Variants in BACH2 observed in about 807,000 individuals in gnomAD.
BACH2 encodes the protein transcription regulator protein BACH2.
In BACH2, 5 loss-of-function variants were observed where a neutral mutation model predicts 61.8. The ratio of observed to expected loss-of-function variants is 0.08; its 90% CI spans 0.04 to 0.17. BACH2 has a LOEUF of 0.17. Among genes scored for constraint, BACH2 ranks in the 10% least tolerant of loss-of-function variants. The pLI, the probability that BACH2 is intolerant of heterozygous loss-of-function variation, is 1.00. For missense variants in BACH2, 824 were observed against 1,091.1 expected (o/e 0.76, Z 3.45); for synonymous variants, 446 against 440.1 (o/e 1.01, Z -0.17).
intron 8 of BACH2, among the ~76,000 whole-genome samples, chr6:89,934,883 G>C (rs292252): frequency 0.42 from 64,240 of 151,946 alleles, 14,027 homozygotes; most frequent in Middle Eastern, 0.55. Flanking sequence ...TCCGACACGG[G>C]AGCTGCATGT....
intron 5 of BACH2, among the ~76,000 whole-genome samples, chr6:90,062,559 T>C (rs1183103133): frequency 6.6e-6 from 1 of 152,170 alleles, no homozygotes; most frequent in African/African-American, 2.4e-5. Context: ...AAATAGCAAT[T>C]TCCTCTTGTT....
chr6:90,164,038 A>G (rs1390344205), intron 4 of BACH2, among the ~76,000 whole-genome samples: 2 of 152,236 alleles, frequency 1.3e-5, no homozygotes, highest in Non-Finnish European at 2.9e-5. Flanking sequence ...TTCAAAAGCT[A>G]GCAGAAGGCA....
chr6:90,010,933 T>A (rs1032983761), intron 5 of BACH2, among the ~76,000 whole-genome samples: 3 of 152,232 alleles, frequency 2.0e-5, no homozygotes, highest in Admixed American at 2.0e-4. Flanking sequence ...AATTGGGTTG[T>A]TTTCTTATTT....
At chr6:90,014,138 A>G (rs139119039) in intron 5 of BACH2, among the ~76,000 whole-genome samples, 1 of 151,964 alleles carries the variant, frequency 6.6e-6, no homozygotes, top group Non-Finnish European at 1.5e-5. Context: ...TTTTGTTAAT[A>G]ATTTTTCATC....
At chr6:90,204,951 C>T (rs913370190) in intron 4 of BACH2, among the ~76,000 whole-genome samples, 1 of 152,166 alleles carries the variant, frequency 6.6e-6, no homozygotes, top group African/African-American at 2.4e-5. Context: ...AACAAAAACT[C>T]CTCAAAAACA....
intron 6 of BACH2, among the ~76,000 whole-genome samples, chr6:89,972,070 C>G (rs1775391152): frequency 6.6e-6 from 1 of 152,102 alleles, no homozygotes; most frequent in African/African-American, 2.4e-5. Flanking sequence ...TGTGCAAAGA[C>G]CTAAGAGAGA....
intron 4 of BACH2, among the ~76,000 whole-genome samples, chr6:90,171,304 T>G (rs1203428093): frequency 6.6e-6 from 1 of 151,662 alleles, no homozygotes; most frequent in Non-Finnish European, 1.5e-5. Flanking sequence ...TCTCAGCTAG[T>G]TGGGAGGCCA....
At chr6:90,046,273 T>C (rs1431346569) in intron 5 of BACH2, among the ~76,000 whole-genome samples, 1 of 152,228 alleles carries the variant, frequency 6.6e-6, no homozygotes, top group Non-Finnish European at 1.5e-5. Flanking sequence ...ACATTTAGTA[T>C]GTGTCTACCA....
At chr6:90,282,322 A>T (rs996985991) in intron 1 of BACH2, among the ~76,000 whole-genome samples, 1 of 151,952 alleles carries the variant, frequency 6.6e-6, no homozygotes, top group African/African-American at 2.4e-5. Flanking sequence ...CCACCCTCTA[A>T]TAGGTCTCAG....
intron 6 of BACH2, among the ~76,000 whole-genome samples, chr6:89,974,285 C>A (rs190341207): frequency 2.0e-4 from 31 of 152,280 alleles, no homozygotes; most frequent in Admixed American, 1.8e-3. Context: ...GTTTCCTCAC[C>A]TGCCATATGG....
At chr6:89,947,919 G>C (rs567279663) in intron 7 of BACH2, among the ~76,000 whole-genome samples, 1 of 151,978 alleles carries the variant, frequency 6.6e-6, no homozygotes, top group Non-Finnish European at 1.5e-5. Flanking sequence ...TAAAAGTAGC[G>C]GTATTTCTCA....
chr6:90,182,331 C>G (rs1768194386), intron 4 of BACH2, among the ~76,000 whole-genome samples: 1 of 152,184 alleles, frequency 6.6e-6, no homozygotes, highest in Non-Finnish European at 1.5e-5. Context: ...TTCCTTCTAT[C>G]TGGAATGTCC....
chr6:90,075,020 A>C (rs1781410166), intron 5 of BACH2, among the ~76,000 whole-genome samples: 1 of 152,188 alleles, frequency 6.6e-6, no homozygotes, highest in Non-Finnish European at 1.5e-5. Flanking sequence ...GATTCAATTT[A>C]GAACAACTCA....
intron 6 of BACH2, among the ~76,000 whole-genome samples, chr6:90,000,304 G>A (rs1777066366): frequency 6.6e-6 from 1 of 152,122 alleles, no homozygotes; most frequent in African/African-American, 2.4e-5. Context: ...CTGCCTTTAG[G>A]CATTTCAAAA....
At chr6:90,004,624 C>G (rs1777309121) in intron 6 of BACH2, among the ~76,000 whole-genome samples, 1 of 152,212 alleles carries the variant, frequency 6.6e-6, no homozygotes, top group African/African-American at 2.4e-5. Flanking sequence ...CATCCCCTCC[C>G]TGTCCTCTGA....
chr6:90,115,711 AT>A (rs1783369890), intron 4 of BACH2, among the ~76,000 whole-genome samples: 2 of 152,222 alleles, frequency 1.3e-5, no homozygotes, highest in Admixed American at 6.5e-5. Flanking sequence ...AGCAAAATAA[AT>A]TATCAATAGA....
intron 5 of BACH2, among the ~76,000 whole-genome samples, chr6:90,027,958 G>C (rs574131744): frequency 1.6e-4 from 24 of 152,308 alleles, no homozygotes; most frequent in African/African-American, 5.8e-4. Flanking sequence ...ACTGCATGAA[G>C]AATAATGTAT....
rs1769988867 is a variant in BACH2 at position 90,228,527 on chromosome 6, T to C, written c.-274-21846A>G. On this transcript the variant is annotated intron_variant, in intron 3 of 8. Coordinates refer to ENST00000257749, the MANE Select transcript of BACH2 (RefSeq NM_021813.4). Reference sequence around the variant, plus strand: ...GGGAGGTCAAGGCAGGCGGATTGCTTGAGACCAGGAGTTCAAGACCAGCCT... The same window carrying C: ...GGGAGGTCAAGGCAGGCGGATTGCTCGAGACCAGGAGTTCAAGACCAGCCT... Among the ~76,000 whole-genome samples, 2 of 152,206 alleles carry C rather than the reference T, an allele frequency of 1.3e-5. 1 individual carries two copies. The highest frequency in any genetic ancestry group is 4.8e-5 in the African/African-American group (2 of 41,452).
At chr6:90,067,813 T>C (rs1425026096) in intron 5 of BACH2, among the ~76,000 whole-genome samples, 2 of 152,174 alleles carry the variant, frequency 1.3e-5, no homozygotes, top group Non-Finnish European at 2.9e-5. Flanking sequence ...CACACGTTCT[T>C]TCTAAAAGAC....
Sources: gnomAD v4.1 joint callset for allele counts (sites outside exome capture counted in the v4.1 genomes callset) on GRCh38, gnomAD v4.1.1 for gene constraint, MANE v1.5 for transcripts, NCBI Gene and HGNC (gene_info 2026-07-23, HGNC 2026-07-21) for gene names.